KATNIP: variants seen among roughly 807,000 people sequenced by gnomAD.
KATNIP encodes katanin-interacting protein.
In KATNIP, 126 loss-of-function variants were observed where a neutral mutation model predicts 174.0. The observed-to-expected ratio is 0.72, with a 90% CI of 0.63 to 0.84. The LOEUF is 0.84. Among genes scored for constraint, KATNIP ranks in the 40% least tolerant of loss-of-function variants. KATNIP has a pLI of 0.00. For synonymous variants in KATNIP, 810 were observed against 835.7 expected, an observed-to-expected ratio of 0.97 and a Z score of 0.53; for missense variants, 1,958 against 2,109.7, an observed-to-expected ratio of 0.93 and a Z score of 1.41.
intron 13 of KATNIP, chr16:27,718,905 G>GGGGA (rs2143014278): frequency 6.6e-6 from 1 of 152,284 alleles, no homozygotes; most frequent in South Asian, 2.1e-4. Flanking sequence ...GTCCTCCACC[G>GGGGA]CAGCTGGAGC....
chr16:27,747,027 G>A (rs2081319485), intron 15 of KATNIP, among the ~76,000 whole-genome samples: 1 of 152,196 alleles, frequency 6.6e-6, no homozygotes. Context: ...GGGAAGAGAC[G>A]GCAGAACTTG....
intron 2 of KATNIP, among the ~76,000 whole-genome samples, chr16:27,613,088 G>A (rs1176144939): frequency 2.0e-5 from 3 of 151,292 alleles, no homozygotes; most frequent in East Asian, 1.9e-4. Flanking sequence ...ACAAAACCAC[G>A]TCTCTACAAA....
chr16:27,551,113 A>G (rs2089341949), intron 1 of KATNIP, among the ~76,000 whole-genome samples: 1 of 152,200 alleles, frequency 6.6e-6, no homozygotes, highest in South Asian at 2.1e-4. Context: ...GATTAGAGTC[A>G]TGGTATTGAC....
chr16:27,645,672 G>C (rs918123159), intron 5 of KATNIP, among the ~76,000 whole-genome samples: 4 of 152,168 alleles, frequency 2.6e-5, no homozygotes, highest in Admixed American at 6.5e-5. Flanking sequence ...GGCCATCTTT[G>C]GTGTGTGGCT....
chr16:27,759,250 T>C (rs750952895), intron 18 of KATNIP, among the ~76,000 whole-genome samples: 7 of 152,078 alleles, frequency 4.6e-5, no homozygotes, highest in Non-Finnish European at 7.3e-5. Flanking sequence ...AGCAAATCAA[T>C]GTAGACTCGA....
In KATNIP at chr16:27,779,943, C is replaced by T. The variant is rs898468258; in HGVS notation, c.*1314C>T. 6 of 152,172 alleles carry T rather than the reference C, an allele frequency of 3.9e-5. No individual in the cohort carries two copies. Among genetic ancestry groups the T allele is most frequent in the African/African-American group, 7.2e-5 (3 of 41,424 alleles). The allele number at this position is 152,172 out of a possible 1,614,324, so 9.4% of individuals were successfully genotyped here. The stretch of plus-strand genomic sequence containing the variant: ...GCCTGGGCTCGAGCAGCTATGCAAA[C>T]GCGCTTTTCATTTGGAGCACGGGGC... On this transcript the variant is annotated 3_prime_UTR_variant, in exon 28 of 28. Transcript: ENST00000261588.
chr16:27,735,500 CTGT>C (rs1476407440), intron 14 of KATNIP, among the ~76,000 whole-genome samples: 1 of 152,236 alleles, frequency 6.6e-6, no homozygotes, highest in African/African-American at 2.4e-5. Context: ...ACTGCCCATG[CTGT>C]CCTTCTCAAA....
intron 2 of KATNIP, among the ~76,000 whole-genome samples, chr16:27,588,027 G>A (rs187206957): frequency 6.6e-6 from 1 of 151,442 alleles, no homozygotes; most frequent in East Asian, 1.9e-4. Context: ...GGTGGCTGGG[G>A]ACTATGGGCA....
chr16:27,769,708 G>C (rs1196944769), intron 20 of KATNIP, among the ~76,000 whole-genome samples, 153 bp from the exon 21 acceptor site: 2 of 152,232 alleles, frequency 1.3e-5, no homozygotes, highest in African/African-American at 4.8e-5. Context: ...CGCCCACACA[G>C]CACCTGATAT....
chr16:27,749,392 GC>G (rs1440406847), intron 15 of KATNIP, among the ~76,000 whole-genome samples, 191 bp from the exon 16 acceptor site: 1 of 152,140 alleles, frequency 6.6e-6, no homozygotes, highest in Admixed American at 6.5e-5. Flanking sequence ...AACATGCCTG[GC>G]CCCAGCCATC....
At chr16:27,555,492 A>G (rs1374481527) in intron 1 of KATNIP, among the ~76,000 whole-genome samples, 1 of 152,186 alleles carries the variant, frequency 6.6e-6, no homozygotes, top group Non-Finnish European at 1.5e-5. Context: ...AATGAAGCCT[A>G]CCTTGTTTTG....
At chr16:27,707,948 A>T (rs2079391820) in intron 12 of KATNIP, among the ~76,000 whole-genome samples, 1 of 151,940 alleles carries the variant, frequency 6.6e-6, no homozygotes, top group Non-Finnish European at 1.5e-5. Context: ...TTATCTCCAA[A>T]TACAGTCATA....
At chr16:27,621,232 A>G (rs1373544175) in intron 3 of KATNIP, among the ~76,000 whole-genome samples, 1 of 152,000 alleles carries the variant, frequency 6.6e-6, no homozygotes, top group Admixed American at 6.6e-5. Flanking sequence ...GCAGTGAGCT[A>G]TGATTATGCC....
chr16:27,563,917 A>AAG (rs2089987361), intron 1 of KATNIP, among the ~76,000 whole-genome samples: 1 of 148,206 alleles, frequency 6.7e-6, no homozygotes, highest in African/African-American at 2.5e-5. Context: ...AAAAAAAAAA[A>AAG]GCTGGCCATG....
intron 1 of KATNIP, among the ~76,000 whole-genome samples, chr16:27,555,451 T>C (rs1015975380): frequency 7.2e-5 from 11 of 152,238 alleles, no homozygotes; most frequent in African/African-American, 2.7e-4. Flanking sequence ...TCTCTGAGCC[T>C]TGGTTTTCCT....
chr16:27,667,406 C>T (rs1042321001), intron 6 of KATNIP, among the ~76,000 whole-genome samples: 6 of 152,112 alleles, frequency 3.9e-5, no homozygotes, highest in Admixed American at 1.3e-4. Context: ...AAAAAGCCTT[C>T]ATGGTCCAGG....
chr16:27,657,499 G>A (rs542994276), intron 6 of KATNIP, among the ~76,000 whole-genome samples: 87 of 152,134 alleles, frequency 5.7e-4, no homozygotes, highest in African/African-American at 1.9e-3. Context: ...AGGACGAGGC[G>A]GGTGGATCAC....
intron 2 of KATNIP, among the ~76,000 whole-genome samples, chr16:27,598,815 G>A (rs918002282): frequency 3.3e-5 from 5 of 152,272 alleles, no homozygotes; most frequent in Admixed American, 2.6e-4. Flanking sequence ...ACCTGTGAGG[G>A]GTAAGGGTAG....
intron 1 of KATNIP, among the ~76,000 whole-genome samples, chr16:27,557,398 GGCCTCCTAAAGT>G (rs1390152521): frequency 6.7e-6 from 1 of 148,264 alleles, no homozygotes; most frequent in African/African-American, 2.5e-5. Flanking sequence ...CCTACCCCTT[GGCCTCCTAAAGT>G]GCTACGGTTA....
Sources: gnomAD v4.1 joint callset for allele counts (sites outside exome capture counted in the v4.1 genomes callset) on GRCh38, gnomAD v4.1.1 for gene constraint, MANE v1.5 for transcripts, NCBI Gene and HGNC (gene_info 2026-07-23, HGNC 2026-07-21) for gene names.